ABCA1: variants seen among roughly 807,000 people sequenced by gnomAD.
The protein encoded by ABCA1 is phospholipid-transporting ATPase ABCA1.
In ABCA1, 133 loss-of-function variants were observed where a neutral mutation model predicts 262.5. That is an observed-to-expected ratio of 0.51 (90% CI 0.44 to 0.59). ABCA1 has a LOEUF of 0.59. Among genes scored for constraint, ABCA1 ranks in the 20% least tolerant of loss-of-function variants. The probability of loss-of-function intolerance (pLI) is 0.00; values close to 1 mark genes in which losing one functional copy is unlikely to be tolerated. For missense variants in ABCA1, 2,452 were observed against 2,777.5 expected (o/e 0.88, Z 2.63); for synonymous variants, 1,022 against 1,043.5 (o/e 0.98, Z 0.40).
rs1171398601 is a variant in ABCA1 at position 104,903,630 on chromosome 9, A to T, written c.50T>A (p.Phe17Tyr). ...LRLLLWKNLT[F>Y]RRRQTCQLLL... The stretch of plus-strand genomic sequence containing the variant: ...CAAGCTTACTGTTTGTCTTCTTCTG[A>T]AAGTGAGGTTCTTCCACAGCAGCAA... Residue 17 changes from phenylalanine (F) to tyrosine (Y), a missense_variant, in exon 2 of 50, where the codon TTC becomes TAC. By Grantham distance (22) the Phe-to-Tyr change is conservative. Around this residue, in one of 4 missense-constraint regions of ABCA1, gnomAD observed 1,032 missense variants for 1,089.7 expected, o/e 0.95. Coordinates refer to ENST00000374736, the MANE Select transcript of ABCA1 (RefSeq NM_005502.4). The T allele has an allele frequency of 6.3e-7, 1 of 1,589,656 alleles. No individual in the cohort carries two copies. The highest frequency in any genetic ancestry group is 8.6e-7 in the Non-Finnish European group (1 of 1,167,394).
At chr9:104,804,569 C>A in intron 32 of ABCA1, 57 bp downstream of exon 32, 1 of 1,363,510 alleles carries the variant, frequency 7.3e-7, no homozygotes, top group Non-Finnish European at 1.1e-6. Flanking sequence ...ATTTGTAGGT[C>A]TTTAATTCCT....
chr9:104,887,057 C>T (rs999998058), intron 3 of ABCA1, among the ~76,000 whole-genome samples: 1 of 152,236 alleles, frequency 6.6e-6, no homozygotes, highest in Non-Finnish European at 1.5e-5. Flanking sequence ...GCGGGCGAAT[C>T]ACCTGAGGCC....
At position 104,889,322 on chromosome 9, in the gene ABCA1, C is replaced by G. The variant is rs866845785; in HGVS notation, c.67-127G>C. The G allele has an allele frequency of 1.5e-5, 23 of 1,534,746 alleles. No homozygotes were observed. In the Admixed American group the frequency reaches 4.2e-4, roughly 28 times the overall value. ...AATCAACTTCTCCAGTCTCTCCCAC[C>G]ACTCTCTAAGCTTTAACAGAACTGT... is the stretch of plus-strand genomic sequence containing the variant. On this transcript the variant is annotated intron_variant, in intron 2 of 49. Coordinates refer to ENST00000374736, the MANE Select transcript of ABCA1 (RefSeq NM_005502.4).
At chr9:104,898,462 G>A (rs1028324866) in intron 2 of ABCA1, among the ~76,000 whole-genome samples, 7 of 151,800 alleles carry the variant, frequency 4.6e-5, no homozygotes, top group Non-Finnish European at 1.0e-4. Flanking sequence ...CAGGAGAATC[G>A]CTTGAAACCA....
intron 5 of ABCA1, among the ~76,000 whole-genome samples, chr9:104,868,165 G>C (rs56089259): frequency 1.3e-5 from 2 of 152,258 alleles, no homozygotes; most frequent in Admixed American, 1.3e-4. Flanking sequence ...TTCGAGACCA[G>C]CCTGACCAAC....
At chr9:104,878,216 T>G (rs1331015973) in intron 5 of ABCA1, among the ~76,000 whole-genome samples, 1 of 152,230 alleles carries the variant, frequency 6.6e-6, no homozygotes, top group Non-Finnish European at 1.5e-5. Context: ...CTTCTCACAC[T>G]GCCTTGCAAA....
intron 5 of ABCA1, among the ~76,000 whole-genome samples, chr9:104,876,203 T>C (rs1838151131): frequency 6.6e-6 from 1 of 152,168 alleles, no homozygotes; most frequent in Non-Finnish European, 1.5e-5. Context: ...AGTCTAGGAA[T>C]TGTTTCCAGA....
chr9:104,810,888 C>A lies in ABCA1; in HGVS notation c.4087G>T (p.Val1363Leu). The A allele has an allele frequency of 6.2e-7, 1 of 1,614,198 alleles. No individual in the cohort carries two copies. Residue 1363 changes from valine (V) to leucine (L), a missense_variant, in exon 29 of 50, where the codon GTG becomes TTG. Val to Leu is a conservative substitution (Grantham distance 32). Coordinates refer to ENST00000374736, the MANE Select transcript of ABCA1 (RefSeq NM_005502.4). ...AAGGGTGGCACGATCAGGCTGAACA[C>A]AAGGGCAATGCAGACAAACACAGCT... ...LPAVFVCIAL[V>L]FSLIVPPFGK...
intron 40 of ABCA1, among the ~76,000 whole-genome samples, chr9:104,793,731 A>C (rs1005484894): frequency 2.0e-5 from 3 of 152,184 alleles, no homozygotes; most frequent in African/African-American, 7.2e-5. Flanking sequence ...TGAATCAATT[A>C]AACCACTAGA....
At chr9:104,802,586 T>C (rs55683502) in intron 33 of ABCA1, among the ~76,000 whole-genome samples, 4,135 of 152,294 alleles carry the variant, frequency 0.027, 200 homozygotes, top group African/African-American at 0.095. Flanking sequence ...AGGGCTATTA[T>C]AGGGGCCTGC....
At chr9:104,806,157 A>G (rs996475624) in intron 31 of ABCA1, 84 bp downstream of exon 31, 1 of 1,360,236 alleles carries the variant, frequency 7.4e-7, no homozygotes, top group Non-Finnish European at 1.0e-6. Context: ...CCAACATGAT[A>G]TCTCACTCAT....
chr9:104,921,529 C>A (rs895709875), intron 1 of ABCA1, among the ~76,000 whole-genome samples: 1 of 152,120 alleles, frequency 6.6e-6, no homozygotes, highest in African/African-American at 2.4e-5. Context: ...TGAAACTGAG[C>A]GAAACTGAAA....
chr9:104,900,687 T>C (rs923304814), intron 2 of ABCA1, among the ~76,000 whole-genome samples: 1 of 152,210 alleles, frequency 6.6e-6, no homozygotes, highest in African/African-American at 2.4e-5. Flanking sequence ...ACCAGGAGAC[T>C]GGTTCTGGTG....
intron 7 of ABCA1, among the ~76,000 whole-genome samples, chr9:104,847,904 C>A (rs916545084): frequency 1.3e-5 from 2 of 152,126 alleles, no homozygotes; most frequent in Admixed American, 6.5e-5. Context: ...TATGTTTTTA[C>A]GTATATGTCT....
At chr9:104,859,797 T>G (rs1836182715) in intron 6 of ABCA1, among the ~76,000 whole-genome samples, 1 of 152,172 alleles carries the variant, frequency 6.6e-6, no homozygotes, top group Non-Finnish European at 1.5e-5. Flanking sequence ...ATGTCTGTAA[T>G]TCCAACACTT....
chr9:104,904,080 A>G (rs1840890405), intron 1 of ABCA1, among the ~76,000 whole-genome samples: 1 of 152,210 alleles, frequency 6.6e-6, no homozygotes, highest in Non-Finnish European at 1.5e-5. Context: ...CAGGTGGCCA[A>G]AAACACTGAG....
chr9:104,847,730 C>T (rs1212305740), intron 7 of ABCA1, among the ~76,000 whole-genome samples: 5 of 152,246 alleles, frequency 3.3e-5, no homozygotes, highest in Non-Finnish European at 7.3e-5. Context: ...AAGACATCCT[C>T]ATCCTGATTC....
At chr9:104,831,198 AGCC>A in intron 13 of ABCA1, 97 bp from the exon 14 acceptor site, 1 of 1,130,706 alleles carries the variant, frequency 8.8e-7, no homozygotes. Flanking sequence ...ACCCTTACCA[AGCC>A]CCTTTTTCTA....
intron 11 of ABCA1, among the ~76,000 whole-genome samples, chr9:104,834,784 G>A (rs1185070262): frequency 7.6e-6 from 1 of 131,928 alleles, no homozygotes; most frequent in Non-Finnish European, 1.7e-5. Context: ...CGAGAGAGGT[G>A]CCCTGGGACC....
Sources: allele counts gnomAD v4.1 joint callset (sites outside exome capture counted in the v4.1 genomes callset), GRCh38; gene constraint gnomAD v4.1.1; regional missense constraint gnomAD v4.1.1; transcripts MANE v1.5; gene names NCBI Gene and HGNC (gene_info 2026-07-23, HGNC 2026-07-21).